Variants in PJA2 observed in about 807,000 individuals in gnomAD.
The protein encoded by PJA2 is praja ring finger ubiquitin ligase 2.
A neutral mutation model predicts 69.3 loss-of-function variants in PJA2; 25 were observed. That is an observed-to-expected ratio of 0.36 (90% CI 0.26 to 0.50). The LOEUF is 0.50. Among genes scored for constraint, PJA2 ranks in the 20% least tolerant of loss-of-function variants. PJA2 has a pLI of 0.96. For synonymous variants in PJA2, 308 were observed against 277.8 expected, an observed-to-expected ratio of 1.11 and a Z score of -1.08; for missense variants, 809 against 830.2, an observed-to-expected ratio of 0.97 and a Z score of 0.31.
rs147274657 is a variant in PJA2, at chr5:109,366,479, AT to A, written c.1469+2081del. Reference sequence around the variant, plus strand: ...AAGTTCTTTCTGAACCCTAATTCTCATCTTTAAGAACTCAGCTCAAAAGTCA... The same window carrying A: ...AAGTTCTTTCTGAACCCTAATTCTCACTTTAAGAACTCAGCTCAAAAGTCA... On this transcript the variant is annotated intron_variant, in intron 5 of 9. Coordinates refer to ENST00000361189, the MANE Select transcript of PJA2 (RefSeq NM_014819.5). 2.1e-3 allele frequency among the ~76,000 whole-genome samples: 316 copies of A among 152,306 alleles called. 1 individual carries two copies. Among genetic ancestry groups the A allele is most frequent in the African/African-American group, 7.3e-3 (305 of 41,574 alleles).
chr5:109,383,278 T>C, intron 2 of PJA2, 125 bp downstream of exon 2: 3 of 695,012 alleles, frequency 4.3e-6, no homozygotes, highest in Non-Finnish European at 7.1e-6. Context: ...ATATTCAATA[T>C]ATGGATCAAA....
chr5:109,372,923 A>AAAAAAAAAAAAAAAAAAAG (rs1272538036), intron 4 of PJA2, among the ~76,000 whole-genome samples: 10 of 136,864 alleles, frequency 7.3e-5, no homozygotes, highest in Non-Finnish European at 9.4e-5. Context: ...AAAAAAAAAA[A>AAAAAAAAAAAAAAAAAAAG]AAAGAAAGAA....
intron 1 of PJA2, among the ~76,000 whole-genome samples, chr5:109,398,566 G>A (rs141353047): frequency 0.015 from 2,195 of 150,158 alleles, 26 homozygotes; most frequent in Non-Finnish European, 0.023. Flanking sequence ...GTCACTCATA[G>A]GTGGGAACTG....
intron 7 of PJA2, among the ~76,000 whole-genome samples, chr5:109,348,156 G>C (rs1323948148): frequency 6.6e-6 from 1 of 152,142 alleles, no homozygotes; most frequent in African/African-American, 2.4e-5. Flanking sequence ...TGAAAGCCCA[G>C]ATAGCTCCTA....
chr5:109,372,708 C>A (rs1166805997), intron 4 of PJA2, among the ~76,000 whole-genome samples: 1 of 151,584 alleles, frequency 6.6e-6, no homozygotes, highest in Non-Finnish European at 1.5e-5. Flanking sequence ...GAGCTCGAGA[C>A]CAGCCTAAGC....
At chr5:109,343,016 C>G (rs1762105119) in intron 9 of PJA2, among the ~76,000 whole-genome samples, 1 of 102,046 alleles carries the variant, frequency 9.8e-6, no homozygotes, top group Non-Finnish European at 2.0e-5. Flanking sequence ...TGCCCAACAG[C>G]TCATTGAGAA....
intron 6 of PJA2, among the ~76,000 whole-genome samples, chr5:109,356,596 T>A (rs1479824222): frequency 6.6e-6 from 1 of 152,146 alleles, no homozygotes; most frequent in African/African-American, 2.4e-5. Context: ...TTCCCACATA[T>A]TTCTCCTGTT....
chr5:109,387,958 C>T (rs1487211666), intron 1 of PJA2, among the ~76,000 whole-genome samples: 2 of 152,232 alleles, frequency 1.3e-5, no homozygotes, highest in East Asian at 3.9e-4. Flanking sequence ...AATGTGGTCA[C>T]ATAATGGAAA....
intron 7 of PJA2, among the ~76,000 whole-genome samples, chr5:109,351,344 A>C (rs1195139763): frequency 1.3e-5 from 2 of 152,184 alleles, no homozygotes; most frequent in African/African-American, 4.8e-5. Context: ...AAATTCACTC[A>C]TAACTGGGAA....
chr5:109,394,173 G>A lies in PJA2; in HGVS notation c.-87-10653C>T, dbSNP rs1161113607. ...AGCAAATCTCCTGCCTCAGCCTCCC[G>A]AGTAGCTGGGATTATAGGTACCCGC... On this transcript the variant is annotated intron_variant, in intron 1 of 9. Coordinates refer to ENST00000361189, the MANE Select transcript of PJA2 (RefSeq NM_014819.5). Among the ~76,000 whole-genome samples, 8 of 147,130 alleles carry A rather than the reference G, an allele frequency of 5.4e-5. No homozygotes were observed. The South Asian group carries it at 1.3e-3, about 25-fold the overall frequency.
intron 1 of PJA2, among the ~76,000 whole-genome samples, chr5:109,402,002 A>G (rs78328560): frequency 0.038 from 5,772 of 152,324 alleles, 111 homozygotes; most frequent in Middle Eastern, 0.051. Flanking sequence ...ACTGTTGTAA[A>G]GCTCTGACAC....
At chr5:109,366,048 GATA>G (rs1310856716) in intron 5 of PJA2, among the ~76,000 whole-genome samples, 1 of 152,048 alleles carries the variant, frequency 6.6e-6, no homozygotes, top group African/African-American at 2.4e-5. Context: ...TTCCATCCCA[GATA>G]TTAGAACTTT....
intron 6 of PJA2, among the ~76,000 whole-genome samples, chr5:109,357,614 T>C (rs1029326909): frequency 6.6e-6 from 1 of 152,200 alleles, no homozygotes; most frequent in Non-Finnish European, 1.5e-5. Context: ...TAAGTAGGTG[T>C]GCAAAGGTGC....
At chr5:109,385,116 A>C (rs1747128396) in intron 1 of PJA2, among the ~76,000 whole-genome samples, 1 of 152,176 alleles carries the variant, frequency 6.6e-6, no homozygotes, top group African/African-American at 2.4e-5. Flanking sequence ...TGCCTGGCTG[A>C]AATGTGCGTT....
chr5:109,368,139 T>C (rs1238588105), intron 5 of PJA2, among the ~76,000 whole-genome samples: 8 of 152,212 alleles, frequency 5.3e-5, no homozygotes, highest in African/African-American at 9.6e-5. Context: ...CACTGATATT[T>C]TGGAGATCTC....
chr5:109,368,458 C>T, intron 5 of PJA2, 103 bp downstream of exon 5: 2 of 1,074,052 alleles, frequency 1.9e-6, no homozygotes, highest in Admixed American at 2.4e-5. Context: ...ACTGGTTCTA[C>T]ATAAGGCTTA....
chr5:109,362,986 C>T lies in PJA2; in HGVS notation c.1506G>A (p.Trp502Ter). 6.2e-7 allele frequency: 1 copy of T among 1,605,952 alleles called. No individual in the cohort carries two copies. Among genetic ancestry groups the T allele is most frequent in the Non-Finnish European group, 8.5e-7 (1 of 1,173,888 alleles). Residue 502 changes from tryptophan to a stop codon, truncating the protein, a stop_gained, in exon 6 of 10, where the codon TGG becomes TGA. Coordinates refer to ENST00000361189, the MANE Select transcript of PJA2 (RefSeq NM_014819.5). LOFTEE classifies it high-confidence loss of function. ...TTTCATTGACTTCATTGTACTGTAA[C>T]CAAGGAATTTCTCCCTCTTCCAAGG... Reference protein sequence around the residue: ...QTSLEEGEIPWLQYNEVNESS... With the variant: ...QTSLEEGEIP
At chr5:109,342,427 G>GGGGGGGTCA (rs1762086998) in intron 9 of PJA2, among the ~76,000 whole-genome samples, 1 of 135,806 alleles carries the variant, frequency 7.4e-6, no homozygotes, top group African/African-American at 2.8e-5. Flanking sequence ...AGGGAGGTGG[G>GGGGGGGTCA]GATGTCGGCC....
intron 5 of PJA2, among the ~76,000 whole-genome samples, chr5:109,363,229 T>C (rs1405349735): frequency 1.3e-5 from 2 of 152,200 alleles, no homozygotes; most frequent in East Asian, 1.9e-4. Flanking sequence ...ACAGAAATAG[T>C]TCCTAATTAC....
Sources: gnomAD v4.1 joint callset for allele counts (sites outside exome capture counted in the v4.1 genomes callset) on GRCh38, gnomAD v4.1.1 for gene constraint, MANE v1.5 for transcripts, NCBI Gene and HGNC (gene_info 2026-07-23, HGNC 2026-07-21) for gene names.